The following NALF1 variants were observed in gnomAD, a reference collection of about 807,000 sequenced individuals.
The protein encoded by NALF1 is NALCN channel auxiliary factor 1.
A neutral mutation model predicts 48.4 loss-of-function variants in NALF1; 3 were observed. The ratio of observed to expected loss-of-function variants is 0.06; its 90% confidence interval spans 0.03 to 0.16. The LOEUF is 0.16. NALF1 is among the 10% of genes least tolerant of loss of function. NALF1 has a pLI of 1.00. For missense variants in NALF1, 526 were observed against 571.5 expected (o/e 0.92, Z 0.81); for synonymous variants, 262 against 245.7 (o/e 1.07, Z -0.62).
chr13:107,217,339 C>G (rs1879894016), intron 1 of NALF1, among the ~76,000 whole-genome samples: 1 of 152,030 alleles, frequency 6.6e-6, no homozygotes, highest in African/African-American at 2.4e-5. Context: ...GTCCTCTGCC[C>G]CTCCTTCTCC....
intron 1 of NALF1, among the ~76,000 whole-genome samples, chr13:107,636,270 C>T (rs1453637990): frequency 6.6e-6 from 1 of 152,086 alleles, no homozygotes; most frequent in Non-Finnish European, 1.5e-5. Flanking sequence ...AAACCAAAGC[C>T]GCCAAACAAG....
intron 2 of NALF1, among the ~76,000 whole-genome samples, chr13:107,180,564 T>A (rs1879039773): frequency 6.6e-6 from 1 of 151,942 alleles, no homozygotes; most frequent in African/African-American, 2.4e-5. Flanking sequence ...GTCTTTTTCA[T>A]CTGAAAAAAG....
chr13:107,842,128 AATTG>A (rs1009285379), intron 1 of NALF1, among the ~76,000 whole-genome samples: 3 of 152,080 alleles, frequency 2.0e-5, no homozygotes, highest in Non-Finnish European at 2.9e-5. Flanking sequence ...TAAAACAAGC[AATTG>A]ATTATTTTAT....
chr13:107,840,671 G>C (rs1308732284), intron 1 of NALF1, among the ~76,000 whole-genome samples: 1 of 152,174 alleles, frequency 6.6e-6, no homozygotes, highest in Non-Finnish European at 1.5e-5. Context: ...ACAGTGAAGA[G>C]AGAATGTCTA....
intron 1 of NALF1, among the ~76,000 whole-genome samples, chr13:107,524,817 A>G (rs1876375358): frequency 6.6e-6 from 1 of 152,112 alleles, no homozygotes; most frequent in African/African-American, 2.4e-5. Flanking sequence ...TCTCAGCTAA[A>G]TTACTGTATA....
At chr13:107,201,542 A>G (rs576526698) in intron 2 of NALF1, among the ~76,000 whole-genome samples, 1 of 152,054 alleles carries the variant, frequency 6.6e-6, no homozygotes, top group Non-Finnish European at 1.5e-5. Context: ...GTGCCACTGC[A>G]CTCCAGCCTG....
chr13:107,619,709 T>A (rs932506394), intron 1 of NALF1, among the ~76,000 whole-genome samples: 47 of 152,284 alleles, frequency 3.1e-4, no homozygotes, highest in African/African-American at 1.1e-3. Flanking sequence ...TCATCAAGCC[T>A]ATGACTTGAA....
At chr13:107,689,084 C>A (rs532946547) in intron 1 of NALF1, among the ~76,000 whole-genome samples, 2 of 152,272 alleles carry the variant, frequency 1.3e-5, no homozygotes, top group East Asian at 3.9e-4. Context: ...GCTGGCTTCC[C>A]TGGGGAGATA....
In NALF1 at chr13:107,866,283, G is replaced by C. The variant is rs756338291; in HGVS notation, c.314C>G (p.Ala105Gly). 8 of 1,600,790 alleles carry C rather than the reference G, an allele frequency of 5.0e-6. No homozygotes were observed. The Admixed American group carries it at 1.0e-4, about 20-fold the overall frequency. ...GGACTCCCCCATGCTCGCCAGGAGC[G>C]CGGGCCAGGAGGGCTCCTGCTGCCG... Reference protein sequence around the residue: ...QRRQQEPSWPALLASMGESSP... With the variant: ...QRRQQEPSWPGLLASMGESSP... Residue 105 changes from alanine (A) to glycine (G), a missense_variant, in exon 1 of 3, where the codon GCG becomes GGG. Transcript: ENST00000375915. The surrounding 1 kb of genome is among the most constrained non-coding windows in gnomAD (Gnocchi z 4.4).
At chr13:107,391,765 G>T (rs114065507) in intron 1 of NALF1, among the ~76,000 whole-genome samples, 1 of 151,996 alleles carries the variant, frequency 6.6e-6, no homozygotes, top group Non-Finnish European at 1.5e-5. Context: ...CCCTGCCCCC[G>T]CTTTGAGTTG....
In NALF1 at chr13:107,714,626, T is replaced by TAAAAAAAAAAAA. The variant is rs10633995; in HGVS notation, c.915+151044_915+151055dup. On this transcript the variant is annotated intron_variant, in intron 1 of 2. Coordinates refer to ENST00000375915, the MANE Select transcript of NALF1 (RefSeq NM_001080396.3). ...CCTGGGTGACAGAGTGAGGCTTTAT[T>TAAAAAAAAAAAA]AAAAAAAAAAAAAGAAAGATAAAAT... 1.0e-4 allele frequency among the ~76,000 whole-genome samples: 13 copies of TAAAAAAAAAAAA among 126,466 alleles called. 1 individual carries two copies. Among genetic ancestry groups the TAAAAAAAAAAAA allele is most frequent in the Admixed American group, 4.3e-4 (5 of 11,704 alleles). 83.0% of individuals were successfully genotyped at this position (126,466 alleles called of 152,430 possible). A position where few individuals can be genotyped will look rare whatever the true frequency, so the allele number is the denominator to read the frequency against.
chr13:107,573,129 T>A (rs1022387380), intron 1 of NALF1, among the ~76,000 whole-genome samples: 16 of 152,140 alleles, frequency 1.1e-4, no homozygotes, highest in Admixed American at 2.6e-4. Context: ...TCCCTGTTTA[T>A]CCTCCTGTGC....
At chr13:107,562,894 T>C (rs1877688913) in intron 1 of NALF1, among the ~76,000 whole-genome samples, 1 of 152,192 alleles carries the variant, frequency 6.6e-6, no homozygotes, top group Non-Finnish European at 1.5e-5. Flanking sequence ...CATGAGGAGT[T>C]TCCTCTGTGT....
intron 1 of NALF1, among the ~76,000 whole-genome samples, chr13:107,594,493 G>A (rs1594148638): frequency 6.6e-6 from 1 of 151,770 alleles, no homozygotes; most frequent in East Asian, 1.9e-4. Flanking sequence ...GTGCAGGTTC[G>A]CATGCCTGTA....
At chr13:107,730,395 T>A (rs181526045) in intron 1 of NALF1, among the ~76,000 whole-genome samples, 113 of 152,308 alleles carry the variant, frequency 7.4e-4, no homozygotes, top group African/African-American at 2.6e-3. Flanking sequence ...AGTTTCCATT[T>A]TTCTGGTGAC....
chr13:107,628,581 A>G (rs932579407), intron 1 of NALF1, among the ~76,000 whole-genome samples: 2 of 152,086 alleles, frequency 1.3e-5, no homozygotes, highest in African/African-American at 4.8e-5. Context: ...GCAATACTTT[A>G]CTGTTTTTAC....
chr13:107,526,684 C>G (rs1876455902), intron 1 of NALF1, among the ~76,000 whole-genome samples: 1 of 152,058 alleles, frequency 6.6e-6, no homozygotes, highest in African/African-American at 2.4e-5. Context: ...ATCAAAACAA[C>G]AGAAGATAAA....
At chr13:107,742,286 A>T (rs576416192) in intron 1 of NALF1, among the ~76,000 whole-genome samples, 2 of 152,266 alleles carry the variant, frequency 1.3e-5, no homozygotes, top group South Asian at 4.1e-4. Flanking sequence ...TAGACCAACC[A>T]ACCTACCTAC....
intron 1 of NALF1, among the ~76,000 whole-genome samples, chr13:107,441,338 T>C (rs367763638): frequency 3.9e-5 from 6 of 152,194 alleles, no homozygotes; most frequent in South Asian, 2.1e-4. Flanking sequence ...ACTGGATCTA[T>C]TGAGGAATTT....
Sources: gnomAD v4.1 joint callset for allele counts (sites outside exome capture counted in the v4.1 genomes callset) on GRCh38, gnomAD v4.1.1 for gene constraint, Gnocchi (gnomAD v3.1) non-coding constraint, MANE v1.5 for transcripts, NCBI Gene and HGNC (gene_info 2026-07-23, HGNC 2026-07-21) for gene names.